The following TAF4 variants were observed in gnomAD, a reference collection of about 807,000 sequenced individuals.
The protein encoded by TAF4 is transcription initiation factor TFIID subunit 4.
TAF4 carries 9 observed loss-of-function variants against 90.3 expected under a neutral mutation model. That is an observed-to-expected ratio of 0.10 (90% CI 0.06 to 0.17). The LOEUF is 0.17. Among genes scored for constraint, TAF4 ranks in the 10% least tolerant of loss-of-function variants. The pLI is 1.00. For synonymous variants in TAF4, 818 were observed against 638.9 expected (o/e 1.28, Z -4.23); for missense variants, 1,351 against 1,370.7 (o/e 0.99, Z 0.23).
intron 1 of TAF4, among the ~76,000 whole-genome samples, chr20:62,049,817 G>A (rs996397594): frequency 8.5e-5 from 13 of 152,268 alleles, no homozygotes; most frequent in African/African-American, 2.4e-5. Context: ...TCATAGAAAT[G>A]CGAGCCTCAG....
intron 1 of TAF4, among the ~76,000 whole-genome samples, chr20:62,031,309 G>A (rs1250702296): frequency 1.3e-5 from 2 of 152,216 alleles, no homozygotes; most frequent in Admixed American, 6.5e-5. Flanking sequence ...GGCCCAGCAT[G>A]TGCAGAATCA....
intron 1 of TAF4, among the ~76,000 whole-genome samples, chr20:62,026,519 C>A (rs1433396958): frequency 6.6e-6 from 1 of 152,196 alleles, no homozygotes; most frequent in Non-Finnish European, 1.5e-5. Context: ...CAGAAGGAAC[C>A]GTGGTCAGGC....
chr20:61,994,359 T>C (rs2072129290), intron 14 of TAF4, among the ~76,000 whole-genome samples: 1 of 152,218 alleles, frequency 6.6e-6, no homozygotes, highest in African/African-American at 2.4e-5. Flanking sequence ...CCAGAGCCCG[T>C]GTTAGCCTTG....
At chr20:61,977,073 A>G (rs112468262) in intron 14 of TAF4, among the ~76,000 whole-genome samples, 1,869 of 108,944 alleles carry the variant, frequency 0.017, 32 homozygotes, top group East Asian at 0.11. Context: ...AGCGGGGCAC[A>G]CGCCACACAC....
chr20:61,982,765 C>T (rs1389017156), intron 14 of TAF4, among the ~76,000 whole-genome samples: 1 of 152,160 alleles, frequency 6.6e-6, no homozygotes. Context: ...CGGCGGGACT[C>T]TGAGATGCAA....
At chr20:61,987,311 G>A (rs950503037) in intron 14 of TAF4, among the ~76,000 whole-genome samples, 1 of 152,154 alleles carries the variant, frequency 6.6e-6, no homozygotes, top group Middle Eastern at 3.2e-3. Context: ...CCACCAAGCA[G>A]AGGAGACCAA....
intron 1 of TAF4, among the ~76,000 whole-genome samples, chr20:62,018,406 G>A (rs973869915): frequency 2.0e-5 from 3 of 152,234 alleles, no homozygotes; most frequent in African/African-American, 4.8e-5. Flanking sequence ...ATCTATTCAC[G>A]CCAAGGCAAA....
intron 9 of TAF4, among the ~76,000 whole-genome samples, chr20:62,001,971 T>A (rs2055707801): frequency 6.6e-6 from 1 of 152,172 alleles, no homozygotes; most frequent in Non-Finnish European, 1.5e-5. Context: ...TGAACAAAGC[T>A]AGAAACTTAC....
At chr20:62,057,160 G>GC (rs2056069388) in intron 1 of TAF4, among the ~76,000 whole-genome samples, 1 of 152,216 alleles carries the variant, frequency 6.6e-6, no homozygotes, top group African/African-American at 2.4e-5. Flanking sequence ...GGAACAAGGT[G>GC]CCCACCTTGC....
intron 14 of TAF4, among the ~76,000 whole-genome samples, chr20:61,989,993 G>A (rs1015377725): frequency 3.3e-5 from 5 of 152,080 alleles, no homozygotes; most frequent in Admixed American, 2.6e-4. Flanking sequence ...TGTGAGGTGG[G>A]AACGTGTGAA....
intron 14 of TAF4, chr20:61,980,440 C>G (rs1377876737): frequency 6.6e-6 from 1 of 152,248 alleles, no homozygotes; most frequent in African/African-American, 2.4e-5. Context: ...TGCCCACAGC[C>G]GCCCCGGGCG....
intron 1 of TAF4, among the ~76,000 whole-genome samples, chr20:62,046,174 C>A (rs1049465845): frequency 2.6e-5 from 4 of 152,210 alleles, no homozygotes; most frequent in African/African-American, 7.2e-5. Context: ...CGAAACACCA[C>A]GCTACAGGCA....
At chr20:62,043,140 G>A (rs1203939858) in intron 1 of TAF4, among the ~76,000 whole-genome samples, 4 of 152,074 alleles carry the variant, frequency 2.6e-5, no homozygotes, top group African/African-American at 9.7e-5. Context: ...TGGGCAACAC[G>A]GTGAAACCTA....
chr20:62,042,129 C>T (rs1265175696), intron 1 of TAF4, among the ~76,000 whole-genome samples: 6 of 152,138 alleles, frequency 3.9e-5, no homozygotes, highest in South Asian at 2.1e-4. Flanking sequence ...TGGCCTGCCA[C>T]GCCCCTATCT....
chr20:62,040,063 T>C (rs1022297031), intron 1 of TAF4, among the ~76,000 whole-genome samples: 2 of 152,228 alleles, frequency 1.3e-5, no homozygotes, highest in Admixed American at 1.3e-4. Flanking sequence ...GACAGCCACT[T>C]TGGAGTTCCT....
chr20:62,065,775 G>C lies in TAF4; in HGVS notation c.36C>G (p.Phe12Leu). ...CTTTCTCGTCCACCTCGCTGTTGAA[G>C]AAGACCTCGTCCAGCAGATCCGAGC... ...AAGSDLLDEVFFNSEVDEKVV... is the reference protein window; with the variant it reads ...AAGSDLLDEVLFNSEVDEKVV... The change falls in exon 1 of 15, where the codon TTC becomes TTG. Residue 12 changes from phenylalanine to leucine, a missense_variant. Transcript: ENST00000252996. 1 of 1,339,238 alleles carries C rather than the reference G, an allele frequency of 7.5e-7. No homozygotes were observed. Among genetic ancestry groups the C allele is most frequent in the South Asian group, 1.3e-5 (1 of 77,716 alleles). The allele number at this position is 1,339,238 out of a possible 1,614,324, so 83.0% of individuals were successfully genotyped here.
chr20:62,003,035 G>T, intron 9 of TAF4, 125 bp downstream of exon 9: 1 of 677,376 alleles, frequency 1.5e-6, no homozygotes, highest in Non-Finnish European at 2.5e-6. Flanking sequence ...TGAAGCAGGA[G>T]CCTTGGAGCC....
intron 1 of TAF4, among the ~76,000 whole-genome samples, chr20:62,022,425 G>C (rs970826788): frequency 2.1e-4 from 32 of 152,162 alleles, no homozygotes; most frequent in African/African-American, 7.0e-4. Flanking sequence ...AAAGAGATGA[G>C]CAAAAGTGGT....
intron 1 of TAF4, among the ~76,000 whole-genome samples, chr20:62,019,765 C>G (rs2055831990): frequency 6.6e-6 from 1 of 152,226 alleles, no homozygotes; most frequent in South Asian, 2.1e-4. Flanking sequence ...CACCAGGGTT[C>G]TTACCCCACA....
Sources: gnomAD v4.1 joint callset for allele counts (sites outside exome capture counted in the v4.1 genomes callset) on GRCh38, gnomAD v4.1.1 for gene constraint, MANE v1.5 for transcripts, NCBI Gene and HGNC (gene_info 2026-07-23, HGNC 2026-07-21) for gene names.